DOT1L: variants seen among roughly 807,000 people sequenced by gnomAD.
DOT1L encodes DOT1 like histone lysine methyltransferase, also known as histone-lysine N-methyltransferase, H3 lysine-79 specific.
A neutral mutation model predicts 153.3 loss-of-function variants in DOT1L; 33 were observed. That is an observed-to-expected ratio of 0.22 (90% CI 0.16 to 0.29). The LOEUF is 0.29. DOT1L is among the 10% of genes least tolerant of loss of function. The pLI, the probability that DOT1L is intolerant of heterozygous loss-of-function variation, is 1.00. For synonymous variants in DOT1L, 1,135 were observed against 965.1 expected (o/e 1.18, Z -3.26); for missense variants, 1,847 against 2,119.9 (o/e 0.87, Z 2.53).
chr19:2,178,674 GC>G (rs2022078150), intron 1 of DOT1L, among the ~76,000 whole-genome samples: 1 of 151,738 alleles, frequency 6.6e-6, no homozygotes, highest in Admixed American at 6.6e-5. Context: ...GCCTCAGCTG[GC>G]CTCCCAGAGT....
rs2023608012 is a variant in DOT1L, at chr19:2,208,976, G to A, written c.1005G>A (p.Arg335=). ...CTAGTCTGAAAAACCCAAAACTCAG[G>A]GTAAGTTTGTGTGTTTTTTCTCTTG... ...YFSSLKNPKL[R]EEQEAARRRQ... is the part of the protein sequence containing the mutation. Residue 335 remains arginine, a splice_region_variant and synonymous_variant, in exon 12 of 28, where the codon AGG becomes AGA. Coordinates refer to ENST00000398665, the MANE Select transcript of DOT1L (RefSeq NM_032482.3). The surrounding 1 kb of genome is among the most constrained non-coding windows in gnomAD (Gnocchi z 4.4). The A allele has an allele frequency of 6.2e-7, 1 of 1,612,844 alleles. No individual in the cohort carries two copies. Among genetic ancestry groups the A allele is most frequent in the African/African-American group, 1.3e-5 (1 of 74,818 alleles).
intron 3 of DOT1L, among the ~76,000 whole-genome samples, chr19:2,187,168 C>G (rs2022551056): frequency 6.6e-6 from 1 of 152,258 alleles, no homozygotes; most frequent in Non-Finnish European, 1.5e-5. Flanking sequence ...GAAGACACTC[C>G]TGTCACCTAG....
At position 2,213,839 on chromosome 19, in the gene DOT1L, A is replaced by G. The variant is rs748937889; in HGVS notation, c.1660-10A>G. On this transcript the variant is annotated splice_polypyrimidine_tract_variant and intron_variant, in intron 17 of 27. Coordinates refer to ENST00000398665, the MANE Select transcript of DOT1L (RefSeq NM_032482.3). ...ACCAGCATGACCTCTCCCCCGCCCCATGTCCCCAGCTGGGTGTGAAGGCGC... is the reference window on the plus strand; with the variant it reads ...ACCAGCATGACCTCTCCCCCGCCCCGTGTCCCCAGCTGGGTGTGAAGGCGC... The G allele has an allele frequency of 3.7e-6, 6 of 1,612,850 alleles. No individual in the cohort carries two copies. Among genetic ancestry groups the G allele is most frequent in the Non-Finnish European group, 5.1e-6 (6 of 1,179,924 alleles).
At position 2,220,721 on chromosome 19, in the gene DOT1L, G is replaced by T. The variant is rs78566095; in HGVS notation, c.2806+499G>T. On this transcript the variant is annotated intron_variant, in intron 23 of 27. Coordinates refer to ENST00000398665, the MANE Select transcript of DOT1L (RefSeq NM_032482.3). The surrounding 1 kb of genome is among the most constrained non-coding windows in gnomAD (Gnocchi z 4.5). Reference sequence around the variant, plus strand: ...ACTTTGGCTTTTGTTGACACTGCAGGCCTGTCTGTTGTGGAAGCCGCAGAG... The same window carrying T: ...ACTTTGGCTTTTGTTGACACTGCAGTCCTGTCTGTTGTGGAAGCCGCAGAG... The T allele has an allele frequency of 6.4e-5, 23 of 357,624 alleles. No individual in the cohort carries two copies. The highest frequency in any genetic ancestry group is 4.9e-4 in the African/African-American group (23 of 46,830). 22.2% of individuals were successfully genotyped at this position (357,624 alleles called of 1,614,324 possible).
At position 2,217,967 on chromosome 19, in the gene DOT1L, C is replaced by G; in HGVS notation, c.2691+49C>G. 1 of 1,590,314 alleles carries G rather than the reference C, an allele frequency of 6.3e-7. No homozygotes were observed. The highest frequency in any genetic ancestry group is 8.5e-7 in the Non-Finnish European group (1 of 1,169,838). Reference sequence around the variant, plus strand: ...CCCCAAGGGCCACGTTGAGGCAAAACAGTCTGGGGTGCTCGAGACCTGGCT... The same window carrying G: ...CCCCAAGGGCCACGTTGAGGCAAAAGAGTCTGGGGTGCTCGAGACCTGGCT... On this transcript the variant is annotated intron_variant, in intron 22 of 27. Transcript: ENST00000398665. The surrounding 1 kb of genome is among the most constrained non-coding windows in gnomAD (Gnocchi z 7.3).
chr19:2,202,986 A>G (rs1028796501), intron 9 of DOT1L, among the ~76,000 whole-genome samples: 8 of 152,090 alleles, frequency 5.3e-5, no homozygotes, highest in African/African-American at 1.9e-4. Context: ...TAGTGGCACA[A>G]TCTCTGCTCA....
At chr19:2,218,034 C>T in intron 22 of DOT1L, 116 bp downstream of exon 22, 1 of 1,423,156 alleles carries the variant, frequency 7.0e-7, no homozygotes, top group African/African-American at 1.4e-5. Context: ...GAGCGTGAGG[C>T]AATGCAGTCA....
At position 2,220,102 on chromosome 19, in the gene DOT1L, C is replaced by T. The variant is rs754480791; in HGVS notation, c.2692-6C>T. The T allele has an allele frequency of 2.6e-5, 41 of 1,601,656 alleles. No homozygotes were observed. Among genetic ancestry groups the T allele is most frequent in the South Asian group, 2.1e-4 (19 of 90,228 alleles). ...GCCCCTGACACACAGGGTTTTCTCTCTGCAGAGGAGCACCCCCAGTCCCGT... is the reference window on the plus strand; with the variant it reads ...GCCCCTGACACACAGGGTTTTCTCTTTGCAGAGGAGCACCCCCAGTCCCGT... On this transcript the variant is annotated splice_region_variant and splice_polypyrimidine_tract_variant and intron_variant, in intron 22 of 27. Coordinates refer to ENST00000398665, the MANE Select transcript of DOT1L (RefSeq NM_032482.3). The surrounding 1 kb of genome is among the most constrained non-coding windows in gnomAD (Gnocchi z 4.5).
At position 2,220,399 on chromosome 19, in the gene DOT1L, C is replaced by T. The variant is rs1195111940; in HGVS notation, c.2806+177C>T. The T allele has an allele frequency of 9.8e-6, 7 of 714,454 alleles. No individual in the cohort carries two copies. Among genetic ancestry groups the T allele is most frequent in the South Asian group, 3.0e-5 (2 of 67,168 alleles). 44.3% of individuals were successfully genotyped at this position (714,454 alleles called of 1,614,324 possible). A position where few individuals can be genotyped will look rare whatever the true frequency, so the allele number is the denominator to read the frequency against. On this transcript the variant is annotated intron_variant, in intron 23 of 27. Coordinates refer to ENST00000398665, the MANE Select transcript of DOT1L (RefSeq NM_032482.3). This position sits in a 1 kb window ranked among gnomAD's most constrained non-coding sequence, Gnocchi z 4.5. ...TTCCTGCATCCCACGAGCTGGGATG[C>T]GGATCGGGCTCAGCTGCAGCCATCT...
intron 17 of DOT1L, 45 bp from the exon 18 acceptor site, chr19:2,213,804 C>T (rs1423234408): frequency 3.1e-6 from 5 of 1,610,832 alleles, no homozygotes; most frequent in Non-Finnish European, 4.2e-6. Flanking sequence ...CTTACTTCAC[C>T]TTGGAGGCCA....
At chr19:2,206,521 CAA>C (rs5826758) in intron 9 of DOT1L, among the ~76,000 whole-genome samples, 344 of 80,668 alleles carry the variant, frequency 4.3e-3, no homozygotes, top group East Asian at 0.015. Context: ...GACTCTGTCT[CAA>C]AAAAAAAAAA....
intron 1 of DOT1L, among the ~76,000 whole-genome samples, chr19:2,171,582 T>G (rs2021625393): frequency 6.6e-6 from 1 of 152,156 alleles, no homozygotes; most frequent in African/African-American, 2.4e-5. Flanking sequence ...CCAAGAGCTG[T>G]GCCTTTCATC....
intron 3 of DOT1L, among the ~76,000 whole-genome samples, chr19:2,187,598 G>A (rs2022574033): frequency 6.6e-6 from 1 of 152,180 alleles, no homozygotes; most frequent in South Asian, 2.1e-4. Flanking sequence ...GGGAAGGTCT[G>A]GTTGTCAGGG....
rs558448035 is a variant in DOT1L, at chr19:2,226,097, G to T, written c.3662-86G>T. 5 of 1,410,300 alleles carry T rather than the reference G, an allele frequency of 3.5e-6. No individual in the cohort carries two copies. In the Admixed American group the frequency reaches 1.1e-4, roughly 32 times the overall value. The allele number at this position is 1,410,300 out of a possible 1,614,324, so 87.4% of individuals were successfully genotyped here. A position where few individuals can be genotyped will look rare whatever the true frequency, so the allele number is the denominator to read the frequency against. On this transcript the variant is annotated intron_variant, in intron 26 of 27. Transcript: ENST00000398665. ...ACCAGCCCTGCCTGCAGAGTTGCCC[G>T]GGCCGTGGCAGCAGCCCCGGTTAGC... is the stretch of plus-strand genomic sequence containing the variant.
chr19:2,216,469 G>T lies in DOT1L; in HGVS notation c.2112G>T (p.Leu704Phe), dbSNP rs368924199. Residue 704 changes from leucine to phenylalanine, a missense_variant, in exon 20 of 28, where the codon TTG becomes TTT. Leu to Phe is a conservative substitution (Grantham distance 22). Coordinates refer to ENST00000398665, the MANE Select transcript of DOT1L (RefSeq NM_032482.3). Reference protein sequence around the residue: ...LDCTKFSLPHLSSMSPELSMN... With the variant: ...LDCTKFSLPHFSSMSPELSMN... The stretch of plus-strand genomic sequence containing the variant: ...GCACCAAGTTCTCGCTGCCTCACTT[G>T]AGCAGCATGAGCCCGGAGCTCTCCA... 1 of 1,612,684 alleles carries T rather than the reference G, an allele frequency of 6.2e-7. No individual in the cohort carries two copies. The highest frequency in any genetic ancestry group is 8.5e-7 in the Non-Finnish European group (1 of 1,179,948).
At chr19:2,221,310 T>A (rs970382919) in intron 23 of DOT1L, 1 of 153,074 alleles carries the variant, frequency 6.5e-6, no homozygotes, top group Admixed American at 6.5e-5. Context: ...GCCCGGGCAG[T>A]TCTGCCCTCG....
Position 2,213,837 on chromosome 19 carries a change from C to A in DOT1L, c.1660-12C>A. 6.2e-7 allele frequency: 1 copy of A among 1,613,008 alleles called. No homozygotes were observed. Among genetic ancestry groups the A allele is most frequent in the Non-Finnish European group, 8.5e-7 (1 of 1,179,926 alleles). ...CCACCAGCATGACCTCTCCCCCGCC[C>A]CATGTCCCCAGCTGGGTGTGAAGGC... is the stretch of plus-strand genomic sequence containing the variant. On this transcript the variant is annotated splice_polypyrimidine_tract_variant and intron_variant, in intron 17 of 27. Coordinates refer to ENST00000398665, the MANE Select transcript of DOT1L (RefSeq NM_032482.3).
chr19:2,181,883 C>T (rs911684454), intron 2 of DOT1L, among the ~76,000 whole-genome samples: 8 of 152,158 alleles, frequency 5.3e-5, no homozygotes, highest in Admixed American at 1.3e-4. Flanking sequence ...ACTCTGCTGG[C>T]GTGGGCCTCT....
At position 2,222,752 on chromosome 19, in the gene DOT1L, T is replaced by G. The variant is rs1599616640; in HGVS notation, c.3390+193T>G. 4.9e-5 allele frequency: 29 copies of G among 591,934 alleles called. 1 individual carries two copies. In the South Asian group the frequency reaches 7.0e-4, roughly 14 times the overall value. The allele number at this position is 591,934 out of a possible 1,614,324, so 36.7% of individuals were successfully genotyped here. ...CGTCTCTACCAAAAATACAAAAGAT[T>G]AGCCGGGCGTGGTGGCGGGTGCCTG... On this transcript the variant is annotated intron_variant, in intron 24 of 27. Coordinates refer to ENST00000398665, the MANE Select transcript of DOT1L (RefSeq NM_032482.3). This position sits in a 1 kb window ranked among gnomAD's most constrained non-coding sequence, Gnocchi z 6.5.
Sources: allele counts gnomAD v4.1 joint callset (sites outside exome capture counted in the v4.1 genomes callset), GRCh38; gene constraint gnomAD v4.1.1; non-coding constraint Gnocchi (gnomAD v3.1); transcripts MANE v1.5; gene names NCBI Gene and HGNC (gene_info 2026-07-23, HGNC 2026-07-21).